IKZF2: variants seen among roughly 807,000 people sequenced by gnomAD.
IKZF2 encodes IKAROS family zinc finger 2, also known as zinc finger protein Helios.
Under a neutral mutation model 49.2 loss-of-function variants are expected in IKZF2, and 15 were observed. The ratio of observed to expected loss-of-function variants is 0.30; its 90% CI spans 0.20 to 0.47. The LOEUF (loss-of-function observed/expected upper bound fraction) is 0.47. IKZF2 is among the 20% of genes least tolerant of loss of function. IKZF2 has a pLI of 1.00. For missense variants in IKZF2, 567 were observed against 664.6 expected (o/e 0.85, Z 1.61); for synonymous variants, 227 against 221.4 (o/e 1.03, Z -0.23).
upstream of IKZF2, chr2:213,152,362 A>G (rs1207600835): frequency 2.0e-5 from 3 of 152,320 alleles, no homozygotes; most frequent in South Asian, 2.1e-4. Flanking sequence ...AGCGCACCGC[A>G]TTGACCGGGA....
chr2:213,113,504 A>G (rs1006612887), intron 4 of IKZF2, among the ~76,000 whole-genome samples: 2 of 152,182 alleles, frequency 1.3e-5, no homozygotes, highest in African/African-American at 4.8e-5. Context: ...GCTGGGATTT[A>G]TCCATTGTAC....
At chr2:213,067,870 A>G (rs1257326492) in intron 4 of IKZF2, among the ~76,000 whole-genome samples, 4 of 152,150 alleles carry the variant, frequency 2.6e-5, no homozygotes, top group Non-Finnish European at 5.9e-5. Flanking sequence ...TTCAGCTACT[A>G]TAAAACCTCA....
In IKZF2 at chr2:213,009,985, T is replaced by C. The variant is rs1416063629; in HGVS notation, c.857-1901A>G. Among the ~76,000 whole-genome samples, 3 of 152,182 alleles carry C rather than the reference T, an allele frequency of 2.0e-5. No homozygotes were observed. The East Asian group carries it at 5.8e-4, about 29-fold the overall frequency. On this transcript the variant is annotated intron_variant, in intron 8 of 8. Transcript: ENST00000434687. ...AAGTTAGATAATATAAGGCTAAATATGCTAAAAATTTGAATATTTCCCTAA... is the reference window on the plus strand; with the variant it reads ...AAGTTAGATAATATAAGGCTAAATACGCTAAAAATTTGAATATTTCCCTAA...
At chr2:213,053,153 A>T (rs1700833026) in intron 5 of IKZF2, among the ~76,000 whole-genome samples, 1 of 152,268 alleles carries the variant, frequency 6.6e-6, no homozygotes, top group South Asian at 2.1e-4. Context: ...GAAAACATTA[A>T]GTAGTTTGTT....
At chr2:213,024,300 G>T (rs1257777180) in intron 6 of IKZF2, among the ~76,000 whole-genome samples, 1 of 152,128 alleles carries the variant, frequency 6.6e-6, no homozygotes, top group Non-Finnish European at 1.5e-5. Flanking sequence ...TTGCTCTGGA[G>T]ACAATCTATC....
At position 213,031,767 on chromosome 2, in the gene IKZF2, A is replaced by T. The variant is rs371218320; in HGVS notation, c.575-9637T>A. ...TGAACATTGCTAATAAAATAATTAA[A>T]CAATAAATGGAAGTAGATGCTTAAT... On this transcript the variant is annotated intron_variant, in intron 6 of 8. Coordinates refer to ENST00000434687, the MANE Select transcript of IKZF2 (RefSeq NM_001387220.1). Among the ~76,000 whole-genome samples, 58 of 152,368 alleles carry T rather than the reference A, an allele frequency of 3.8e-4. No individual in the cohort carries two copies. In the South Asian group the frequency reaches 0.012, roughly 31 times the overall value.
chr2:213,147,067 G>A (rs1289968451), intron 4 of IKZF2, among the ~76,000 whole-genome samples: 2 of 152,076 alleles, frequency 1.3e-5, no homozygotes, highest in African/African-American at 2.4e-5. Context: ...TAAAAACAAT[G>A]TATATTACAT....
intron 6 of IKZF2, among the ~76,000 whole-genome samples, chr2:213,041,677 T>C (rs1290998305): frequency 6.6e-6 from 1 of 152,166 alleles, no homozygotes; most frequent in Admixed American, 6.5e-5. Context: ...CCTTTCCCTC[T>C]TCTCCTTCCC....
intron 6 of IKZF2, among the ~76,000 whole-genome samples, chr2:213,027,890 G>T (rs1697989049): frequency 6.6e-6 from 1 of 151,894 alleles, no homozygotes. Flanking sequence ...CTCTAATTTG[G>T]ATGTTTGTCC....
chr2:213,148,546 A>G (rs768662078), intron 3 of IKZF2, 50 bp downstream of exon 3: 7 of 1,362,732 alleles, frequency 5.1e-6, no homozygotes, highest in Non-Finnish European at 6.3e-6. Flanking sequence ...CACAGGTAAT[A>G]CAAAGGCAAC....
chr2:213,078,285 G>T (rs1703506756), intron 4 of IKZF2, among the ~76,000 whole-genome samples: 1 of 152,078 alleles, frequency 6.6e-6, no homozygotes, highest in Admixed American at 6.5e-5. Context: ...TTTAACAAAG[G>T]TTTTTCTTCC....
chr2:213,078,014 C>T (rs1023100506), intron 4 of IKZF2, among the ~76,000 whole-genome samples: 1 of 151,966 alleles, frequency 6.6e-6, no homozygotes, highest in African/African-American at 2.4e-5. Flanking sequence ...TAGAAGATTG[C>T]ATATTCCTTT....
At position 213,088,766 on chromosome 2, in the gene IKZF2, T is replaced by C. The variant is rs114906052; in HGVS notation, c.140-31667A>G. Among the ~76,000 whole-genome samples the C allele has an allele frequency of 4.4e-3, 666 of 152,144 alleles. 5 individuals are homozygous for C. Among genetic ancestry groups the C allele is most frequent in the African/African-American group, 0.015 (624 of 41,488 alleles). ...GAGCGAGACTCTGTCTCAAAATAAA[T>C]AAATAAATAAAGTTCATTTTACCAA... On this transcript the variant is annotated intron_variant, in intron 4 of 8. Transcript: ENST00000434687.
chr2:213,086,785 T>C (rs988063725), intron 4 of IKZF2, among the ~76,000 whole-genome samples: 5 of 152,064 alleles, frequency 3.3e-5, no homozygotes, highest in Admixed American at 6.6e-5. Flanking sequence ...TAGTGTGGAA[T>C]GGGAGTGGAG....
chr2:213,098,824 G>A (rs140918538), intron 4 of IKZF2, among the ~76,000 whole-genome samples: 243 of 152,222 alleles, frequency 1.6e-3, no homozygotes, highest in Middle Eastern at 6.8e-3. Context: ...AGGTGCTGAC[G>A]TGACCTCAGT....
chr2:213,104,386 T>C (rs1451432944), intron 4 of IKZF2, among the ~76,000 whole-genome samples: 1 of 152,164 alleles, frequency 6.6e-6, no homozygotes. Context: ...TGCACCATCC[T>C]AACTCGCCTA....
chr2:213,100,829 C>G (rs758895883), intron 4 of IKZF2, among the ~76,000 whole-genome samples: 2 of 151,946 alleles, frequency 1.3e-5, no homozygotes, highest in Non-Finnish European at 2.9e-5. Context: ...TATTATAAAT[C>G]CAACAAACTC....
At chr2:213,120,403 A>G (rs1418345789) in intron 4 of IKZF2, among the ~76,000 whole-genome samples, 1 of 152,258 alleles carries the variant, frequency 6.6e-6, no homozygotes, top group Non-Finnish European at 1.5e-5. Flanking sequence ...GGAAAGGAGA[A>G]GGATTCATGC....
At chr2:213,012,768 C>A (rs1272110077) in intron 8 of IKZF2, among the ~76,000 whole-genome samples, 2 of 151,914 alleles carry the variant, frequency 1.3e-5, no homozygotes, top group African/African-American at 4.8e-5. Flanking sequence ...ATTGTGTTAT[C>A]CTCTCCTCCC....
Sources: gnomAD v4.1 joint callset for allele counts (sites outside exome capture counted in the v4.1 genomes callset) on GRCh38, gnomAD v4.1.1 for gene constraint, MANE v1.5 for transcripts, NCBI Gene and HGNC (gene_info 2026-07-23, HGNC 2026-07-21) for gene names.